The following GLIS3 variants were observed in gnomAD, a reference collection of about 807,000 sequenced individuals.
GLIS3 encodes GLIS family zinc finger 3.
A neutral mutation model predicts 78.6 loss-of-function variants in GLIS3; 53 were observed. That is an observed-to-expected ratio of 0.67 (90% CI 0.54 to 0.85). The LOEUF is 0.85. Among genes scored for constraint, GLIS3 ranks in the 40% least tolerant of loss-of-function variants. GLIS3 has a pLI of 0.00. For missense variants in GLIS3, 1,703 were observed against 1,231.1 expected (o/e 1.38, Z -5.74); for synonymous variants, 684 against 509.9 (o/e 1.34, Z -4.60).
At chr9:4,229,390 G>C (rs190668986) in intron 2 of GLIS3, among the ~76,000 whole-genome samples, 3 of 152,332 alleles carry the variant, frequency 2.0e-5, no homozygotes, top group Admixed American at 1.3e-4. Context: ...ATTGCAAGTT[G>C]TCTAACTTTG....
At chr9:4,186,980 G>A (rs900109996) in intron 2 of GLIS3, among the ~76,000 whole-genome samples, 2 of 152,116 alleles carry the variant, frequency 1.3e-5, no homozygotes, top group African/African-American at 4.8e-5. Context: ...CTTTTGCTGT[G>A]CAGAAGCTCT....
At chr9:4,272,472 C>T (rs142477041) in intron 2 of GLIS3, among the ~76,000 whole-genome samples, 358 of 152,282 alleles carry the variant, frequency 2.4e-3, no homozygotes, top group African/African-American at 8.3e-3. Flanking sequence ...AAAATACCCA[C>T]CTCCTGCCGG....
chr9:4,119,323 A>G (rs887713605), intron 3 of GLIS3, among the ~76,000 whole-genome samples: 2 of 152,220 alleles, frequency 1.3e-5, no homozygotes, highest in East Asian at 1.9e-4. Context: ...TCAGCCTTCA[A>G]GTAAAATCTA....
intron 2 of GLIS3, among the ~76,000 whole-genome samples, chr9:4,279,992 AT>A (rs1347296287): frequency 6.6e-6 from 1 of 152,142 alleles, no homozygotes; most frequent in African/African-American, 2.4e-5. Flanking sequence ...GAAATAAAAA[AT>A]AATATAAAAT....
intron 2 of GLIS3, among the ~76,000 whole-genome samples, chr9:4,272,885 T>A (rs1012049209): frequency 6.6e-6 from 1 of 152,204 alleles, no homozygotes; most frequent in African/African-American, 2.4e-5. Flanking sequence ...TAATAGGGCC[T>A]CATTTAAGTC....
chr9:4,118,600 G>A lies in GLIS3; in HGVS notation c.878C>T (p.Ser293Phe). Residue 293 changes from serine to phenylalanine, a missense_variant, in exon 4 of 11, where the codon TCC becomes TTC. Ser to Phe is a radical substitution (Grantham distance 155). Coordinates refer to ENST00000381971, the MANE Select transcript of GLIS3 (RefSeq NM_001042413.2). This position sits in a 1 kb window ranked among gnomAD's most constrained non-coding sequence, Gnocchi z 4.7. ...TCTCTTCTTGGAGCGGGCCGAGTGGGACCTGGTGGATGAGTGCCGAGGACT... is the reference window on the plus strand; with the variant it reads ...TCTCTTCTTGGAGCGGGCCGAGTGGAACCTGGTGGATGAGTGCCGAGGACT... Reference protein sequence around the residue: ...YPSPRHSSTRSHSARSKKRAL... With the variant: ...YPSPRHSSTRFHSARSKKRAL... 6.2e-7 allele frequency: 1 copy of A among 1,614,214 alleles called. No homozygotes were observed. The highest frequency in any genetic ancestry group is 8.5e-7 in the Non-Finnish European group (1 of 1,180,034).
intron 6 of GLIS3, among the ~76,000 whole-genome samples, chr9:3,909,642 T>A (rs959772241): frequency 6.6e-6 from 1 of 152,210 alleles, no homozygotes; most frequent in Non-Finnish European, 1.5e-5. Context: ...TGCTGGGGTA[T>A]AGCTCAATAA....
chr9:4,152,135 C>A, intron 2 of GLIS3: 1 of 984,024 alleles, frequency 1.0e-6, no homozygotes. Context: ...GCCACTTCAG[C>A]AGCTGATGAA....
chr9:3,847,291 G>A (rs1819116212), intron 9 of GLIS3, among the ~76,000 whole-genome samples: 1 of 152,200 alleles, frequency 6.6e-6, no homozygotes, highest in Non-Finnish European at 1.5e-5. Flanking sequence ...AGATAAACTT[G>A]TCTGTAAGTC....
chr9:4,405,312 C>T, the GLIS3 span, among the ~76,000 whole-genome samples: 1 of 151,288 alleles, frequency 6.6e-6, no homozygotes, highest in African/African-American at 2.4e-5. Context: ...CGAGATCGTG[C>T]CATTGCACTC....
chr9:4,297,727 C>T (rs1031074344), intron 1 of GLIS3, among the ~76,000 whole-genome samples: 2 of 152,166 alleles, frequency 1.3e-5, no homozygotes, highest in Non-Finnish European at 2.9e-5. Flanking sequence ...AAGCGGATAC[C>T]GGGGCAAACT....
At chr9:4,351,544 A>C (rs1455852990), upstream of GLIS3, among the ~76,000 whole-genome samples, 1 of 152,238 alleles carries the variant, frequency 6.6e-6, no homozygotes, top group Non-Finnish European at 1.5e-5. Flanking sequence ...TACTCAATTT[A>C]TCACAGTAGT....
At chr9:3,828,714 A>C (rs10973702) in intron 10 of GLIS3, among the ~76,000 whole-genome samples, 1 of 152,120 alleles carries the variant, frequency 6.6e-6, no homozygotes, top group Non-Finnish European at 1.5e-5. Flanking sequence ...GTCATGAAAG[A>C]GAATGGAATT....
At chr9:4,204,668 A>G (rs889322557) in intron 2 of GLIS3, among the ~76,000 whole-genome samples, 1 of 152,164 alleles carries the variant, frequency 6.6e-6, no homozygotes, top group African/African-American at 2.4e-5. Flanking sequence ...CTGTAATCCT[A>G]GCACTTTGGG....
chr9:4,060,241 T>A (rs916117375), intron 4 of GLIS3, among the ~76,000 whole-genome samples: 1 of 152,194 alleles, frequency 6.6e-6, no homozygotes, highest in East Asian at 1.9e-4. Context: ...ACTGCCTATT[T>A]AATGGACTAA....
intron 4 of GLIS3, among the ~76,000 whole-genome samples, chr9:3,940,507 T>G (rs1338624201): frequency 9.9e-5 from 15 of 152,194 alleles, no homozygotes; most frequent in South Asian, 2.1e-4. Context: ...AACAATATCC[T>G]ATGTTCAGGT....
intron 2 of GLIS3, among the ~76,000 whole-genome samples, chr9:4,219,221 C>G (rs994171822): frequency 2.0e-5 from 3 of 152,242 alleles, no homozygotes; most frequent in Non-Finnish European, 2.9e-5. Flanking sequence ...CCTGTGACCA[C>G]TGACATAAAC....
At chr9:4,216,054 A>G (rs1563770505) in intron 2 of GLIS3, among the ~76,000 whole-genome samples, 1 of 152,190 alleles carries the variant, frequency 6.6e-6, no homozygotes, top group Admixed American at 6.5e-5. Flanking sequence ...TTAGGTCCAC[A>G]TAAATTGACT....
Position 3,853,809 on chromosome 9 carries a change from C to G in GLIS3, c.2473+2200G>C, listed in dbSNP as rs1473628970. On this transcript the variant is annotated intron_variant, in intron 9 of 10. Coordinates refer to ENST00000381971, the MANE Select transcript of GLIS3 (RefSeq NM_001042413.2). ...AAACCGTCAATATTTTGGAGAACTT[C>G]CTTCCAATTTTTCTTCTACACATAG... Among the ~76,000 whole-genome samples the G allele has an allele frequency of 1.8e-4, 28 of 152,218 alleles. 1 individual carries two copies. The highest frequency in any genetic ancestry group is 1.7e-3 in the Admixed American group (26 of 15,282).
Sources: gnomAD v4.1 joint callset for allele counts (sites outside exome capture counted in the v4.1 genomes callset) on GRCh38, gnomAD v4.1.1 for gene constraint, Gnocchi (gnomAD v3.1) non-coding constraint, MANE v1.5 for transcripts, NCBI Gene and HGNC (gene_info 2026-07-23, HGNC 2026-07-21) for gene names.